Variants in UBAC1 observed in about 807,000 individuals in gnomAD.
UBAC1 encodes the protein UBA domain containing 1.
UBAC1 carries 27 observed loss-of-function variants against 45.9 expected under a neutral mutation model. The ratio of observed to expected loss-of-function variants is 0.59; its 90% CI spans 0.43 to 0.81. The LOEUF is 0.81. Ranked by LOEUF, UBAC1 falls within the 30% of genes least tolerant of loss-of-function variation. The pLI, the probability that UBAC1 is intolerant of heterozygous loss-of-function variation, is 0.00. For missense variants in UBAC1, 529 were observed against 539.2 expected, an observed-to-expected ratio of 0.98 and a Z score of 0.19; for synonymous variants, 227 against 215.5, an observed-to-expected ratio of 1.05 and a Z score of -0.47.
chr9:135,942,207 C>T (rs921935513), intron 7 of UBAC1: 1 of 152,210 alleles, frequency 6.6e-6, no homozygotes, highest in African/African-American at 2.4e-5. Flanking sequence ...GTGCGAAGTC[C>T]AACCTCAGAG....
chr9:135,951,903 G>A (rs1839410256), intron 3 of UBAC1, among the ~76,000 whole-genome samples: 1 of 152,228 alleles, frequency 6.6e-6, no homozygotes, highest in Non-Finnish European at 1.5e-5. Context: ...AATATTTGAA[G>A]AGAAAAGGTA....
intron 3 of UBAC1, 87 bp downstream of exon 3, chr9:135,953,593 C>A: frequency 9.0e-7 from 1 of 1,108,702 alleles, no homozygotes; most frequent in Non-Finnish European, 1.3e-6. Context: ...GCTGGGATTA[C>A]AGGCGCGAGC....
intron 9 of UBAC1, among the ~76,000 whole-genome samples, chr9:135,935,811 G>C (rs981587529): frequency 2.0e-4 from 30 of 152,160 alleles, no homozygotes; most frequent in Non-Finnish European, 2.2e-4. Flanking sequence ...CGGATCACGA[G>C]GTCAGGAGAT....
chr9:135,955,348 T>C lies in UBAC1; in HGVS notation c.206A>G (p.Glu69Gly), dbSNP rs1839454628. 6 of 1,608,340 alleles carry C rather than the reference T, an allele frequency of 3.7e-6. No homozygotes were observed. Among genetic ancestry groups the C allele is most frequent in the Non-Finnish European group, 5.1e-6 (6 of 1,178,626 alleles). ...THHKLIHAASERVLSDARTIL... is the reference protein window; with the variant it reads ...THHKLIHAASGRVLSDARTIL... ...GGTCCTGGCATCACTCAGCACCCTC[T>C]CTGAGGCAGCGTGGATTAATTTATG... Residue 69 changes from glutamate to glycine, a missense_variant, in exon 2 of 10, where the codon GAG becomes GGG. Physicochemically the swap from Glu to Gly is moderately conservative, Grantham distance 98. Transcript: ENST00000371756.
intron 2 of UBAC1, among the ~76,000 whole-genome samples, chr9:135,954,436 CCT>C (rs901052920): frequency 3.3e-5 from 5 of 152,152 alleles, no homozygotes; most frequent in African/African-American, 9.7e-5. Context: ...TGAGCGACAC[CCT>C]GTCTCAAAAG....
Position 135,961,018 on chromosome 9 carries a change from G to A in UBAC1, c.138+7C>T. 1.3e-6 allele frequency: 2 copies of A among 1,550,956 alleles called. No individual in the cohort carries two copies. Among genetic ancestry groups the A allele is most frequent in the Non-Finnish European group, 8.7e-7 (1 of 1,154,020 alleles). Reference sequence around the variant, plus strand: ...TGTTGGGGGCAGGGGAGGGGGCCCGGCCTTACGTGCTTGAGGCAGCGCTCC... The same window carrying A: ...TGTTGGGGGCAGGGGAGGGGGCCCGACCTTACGTGCTTGAGGCAGCGCTCC... On this transcript the variant is annotated splice_region_variant and intron_variant, in intron 1 of 9. Coordinates refer to ENST00000371756, the MANE Select transcript of UBAC1 (RefSeq NM_016172.3).
chr9:135,950,203 CT>C (rs1300302473), intron 3 of UBAC1, among the ~76,000 whole-genome samples: 2 of 152,264 alleles, frequency 1.3e-5, no homozygotes, highest in Non-Finnish European at 2.9e-5. Flanking sequence ...AGCCAGACTT[CT>C]GCCCTACAGA....
chr9:135,961,296 C>G lies in UBAC1; in HGVS notation c.-134G>C, dbSNP rs1839534690. 1 of 744,626 alleles carries G rather than the reference C, an allele frequency of 1.3e-6. No homozygotes were observed. 46.1% of individuals were successfully genotyped at this position (744,626 alleles called of 1,614,324 possible). ...GCCGCCGCCCCGCCCCGGCTCCCGT[C>G]GGCCGGGCCGCCGTCACTCTCCGCG... On this transcript the variant is annotated 5_prime_UTR_variant, in exon 1 of 10. Transcript: ENST00000371756.
chr9:135,946,076 T>A, intron 5 of UBAC1, 79 bp from the exon 6 acceptor site: 1 of 1,384,000 alleles, frequency 7.2e-7, no homozygotes, highest in Admixed American at 1.8e-5. Context: ...TTTGCAGCAA[T>A]TATCTGTCTG....
intron 7 of UBAC1, among the ~76,000 whole-genome samples, chr9:135,943,428 A>C (rs1839291602): frequency 1.3e-5 from 2 of 152,304 alleles, no homozygotes; most frequent in Middle Eastern, 6.8e-3. Flanking sequence ...TGCCAATCAG[A>C]ATGATGATTA....
At chr9:135,938,541 G>A (rs528986474) in intron 8 of UBAC1, among the ~76,000 whole-genome samples, 181 bp from the exon 9 acceptor site, 11 of 152,390 alleles carry the variant, frequency 7.2e-5, no homozygotes, top group Middle Eastern at 3.4e-3. Flanking sequence ...ACTGCCGTGC[G>A]TGTCAGACCA....
intron 3 of UBAC1, among the ~76,000 whole-genome samples, chr9:135,952,288 A>C (rs1839414902): frequency 6.6e-6 from 1 of 152,258 alleles, no homozygotes; most frequent in African/African-American, 2.4e-5. Flanking sequence ...AGCCCAAAAG[A>C]GTTTGACCTG....
chr9:135,955,667 C>T (rs1307536446), intron 1 of UBAC1, among the ~76,000 whole-genome samples: 3 of 152,228 alleles, frequency 2.0e-5, no homozygotes, highest in Non-Finnish European at 2.9e-5. Context: ...CCACACCCTA[C>T]TGACAATTCG....
intron 8 of UBAC1, among the ~76,000 whole-genome samples, chr9:135,939,455 CCACAGCCCACACT>C (rs1209168885): frequency 1.3e-4 from 19 of 151,454 alleles, no homozygotes; most frequent in African/African-American, 4.1e-4. Context: ...CACTCACTCA[CCACAGCCCACACT>C]CACAGCCCAC....
Position 135,940,066 on chromosome 9 carries a change from G to A in UBAC1, c.877-307C>T, listed in dbSNP as rs554707620. Among the ~76,000 whole-genome samples, 336 of 152,292 alleles carry A rather than the reference G, an allele frequency of 2.2e-3. 3 individuals are homozygous for A. The highest frequency in any genetic ancestry group is 0.013 in the East Asian group (68 of 5,172). Reference sequence around the variant, plus strand: ...AGAAACGCATCGCTTATGTGGACACGAGGCAGTCAGGCCAACTTCAGACCC... The same window carrying A: ...AGAAACGCATCGCTTATGTGGACACAAGGCAGTCAGGCCAACTTCAGACCC... On this transcript the variant is annotated intron_variant, in intron 7 of 9. Transcript: ENST00000371756.
chr9:135,940,854 C>A (rs933005630), intron 7 of UBAC1, among the ~76,000 whole-genome samples: 1 of 152,174 alleles, frequency 6.6e-6, no homozygotes. Context: ...ATCCCACTCT[C>A]TTGAAGCCCC....
At chr9:135,947,731 A>AC (rs972211483) in intron 4 of UBAC1, 67 bp downstream of exon 4, 168 of 1,347,596 alleles carry the variant, frequency 1.2e-4, no homozygotes, top group African/African-American at 1.3e-4. Context: ...CCCCGCAGGA[A>AC]CCCCCCCACA....
rs1035612956 is a variant in UBAC1, at chr9:135,933,528, CAG to C, written c.1103-15_1103-14del. 1.2e-6 allele frequency: 2 copies of C among 1,607,642 alleles called. No individual in the cohort carries two copies. The highest frequency in any genetic ancestry group is 1.7e-6 in the Non-Finnish European group (2 of 1,174,312). On this transcript the variant is annotated splice_polypyrimidine_tract_variant and intron_variant, in intron 9 of 9. Transcript: ENST00000371756. ...ATGTCTTCAAATGCTGCAGGGAAAA[CAG>C]AGCCAGCCTGAGTGCCCACGCCCCC...
intron 1 of UBAC1, among the ~76,000 whole-genome samples, chr9:135,955,771 C>T (rs1292919548): frequency 6.6e-6 from 1 of 152,214 alleles, no homozygotes; most frequent in Non-Finnish European, 1.5e-5. Flanking sequence ...ACCTAAAGAT[C>T]TACCTAAGTT....
Sources: gnomAD v4.1 joint callset for allele counts (sites outside exome capture counted in the v4.1 genomes callset) on GRCh38, gnomAD v4.1.1 for gene constraint, MANE v1.5 for transcripts, NCBI Gene and HGNC (gene_info 2026-07-23, HGNC 2026-07-21) for gene names.